Variants in SLC24A4 observed in about 807,000 individuals in gnomAD.
SLC24A4 encodes solute carrier family 24 member 4, also known as sodium/potassium/calcium exchanger 4.
SLC24A4 carries 53 observed loss-of-function variants against 79.0 expected under a neutral mutation model. That is an observed-to-expected ratio of 0.67 (90% CI 0.54 to 0.84). SLC24A4 has a LOEUF of 0.84. Among genes scored for constraint, SLC24A4 ranks in the 40% least tolerant of loss-of-function variants. The pLI is 0.00. For missense variants in SLC24A4, 731 were observed against 822.0 expected (o/e 0.89, Z 1.35); for synonymous variants, 323 against 323.8 (o/e 1.00, Z 0.03).
chr14:92,404,474 C>G (rs1890270207), intron 2 of SLC24A4, among the ~76,000 whole-genome samples: 1 of 152,216 alleles, frequency 6.6e-6, no homozygotes, highest in Non-Finnish European at 1.5e-5. Flanking sequence ...CCATCCATCA[C>G]AGTGCTCCAG....
At chr14:92,379,851 C>T (rs1462637502) in intron 2 of SLC24A4, among the ~76,000 whole-genome samples, 1 of 152,198 alleles carries the variant, frequency 6.6e-6, no homozygotes, top group Non-Finnish European at 1.5e-5. Context: ...ATACTTCCTA[C>T]CACGCCTGGG....
At chr14:92,474,843 G>GTGTGTGTGTGTA (rs779007741) in intron 12 of SLC24A4, among the ~76,000 whole-genome samples, 20 of 23,882 alleles carry the variant, frequency 8.4e-4, no homozygotes, top group Admixed American at 1.8e-3. Context: ...GTGTGTGTGT[G>GTGTGTGTGTGTA]TATATATATA....
At chr14:92,343,964 A>G (rs1267343116) in intron 2 of SLC24A4, among the ~76,000 whole-genome samples, 1 of 152,100 alleles carries the variant, frequency 6.6e-6, no homozygotes, top group Non-Finnish European at 1.5e-5. Context: ...TGGCCTCCCA[A>G]AGTGCTGGTA....
At chr14:92,327,726 G>A (rs1041298708) in intron 2 of SLC24A4, among the ~76,000 whole-genome samples, 5 of 152,166 alleles carry the variant, frequency 3.3e-5, no homozygotes, top group Admixed American at 1.3e-4. Context: ...CCTTTGCCCC[G>A]CTGTGGGCTC....
In SLC24A4 at chr14:92,325,889, G is replaced by A; in HGVS notation, c.152G>A (p.Ser51Asn). Residue 51 changes from serine to asparagine, a missense_variant, in exon 2 of 17, where the codon AGC becomes AAC. Ser to Asn is a conservative substitution (Grantham distance 46). Transcript: ENST00000532405. ...CCAGGGCACAAAACAGCTTCTGCTA[G>A]CAAACGTGTCCTGCCAGACACGTGG... ...GSLGHKTASA[S>N]KRVLPDTWRN... 6.2e-7 allele frequency: 1 copy of A among 1,610,748 alleles called. No individual in the cohort carries two copies. The highest frequency in any genetic ancestry group is 8.5e-7 in the Non-Finnish European group (1 of 1,178,446).
chr14:92,437,121 A>G (rs1192696717), intron 3 of SLC24A4, among the ~76,000 whole-genome samples: 1 of 152,214 alleles, frequency 6.6e-6, no homozygotes. Flanking sequence ...CTTTGAAGAA[A>G]GAAATGGCTT....
chr14:92,323,991 G>A lies in SLC24A4; in HGVS notation c.130+31G>A, dbSNP rs374137604. On this transcript the variant is annotated intron_variant, in intron 1 of 16. Transcript: ENST00000532405. The surrounding 1 kb of genome is among the most constrained non-coding windows in gnomAD (Gnocchi z 4.9). ...TGCTGGTACGGGTCCCCTCTTCCTG[G>A]GGAGTTGGGGGCTTTGGCTGGGGAG... 8.7e-6 allele frequency: 14 copies of A among 1,600,238 alleles called. No homozygotes were observed. The highest frequency in any genetic ancestry group is 1.1e-5 in the Non-Finnish European group (13 of 1,174,546).
chr14:92,428,773 C>G lies in SLC24A4; in HGVS notation c.242-5139C>G, dbSNP rs1891702876. 2.0e-5 allele frequency among the ~76,000 whole-genome samples: 3 copies of G among 152,312 alleles called. No homozygotes were observed. The South Asian group carries it at 6.2e-4, about 32-fold the overall frequency. ...AGACCACCAGCATTCAGTTCAGAGTCCCTTGGGGGGAGGGGACCCCCTAGA... is the reference window on the plus strand; with the variant it reads ...AGACCACCAGCATTCAGTTCAGAGTGCCTTGGGGGGAGGGGACCCCCTAGA... On this transcript the variant is annotated intron_variant, in intron 2 of 16. Transcript: ENST00000532405.
intron 2 of SLC24A4, among the ~76,000 whole-genome samples, chr14:92,354,143 G>A (rs1204658497): frequency 2.0e-5 from 3 of 151,732 alleles, no homozygotes; most frequent in South Asian, 2.1e-4. Flanking sequence ...CCAGGTGATC[G>A]TACACCATAT....
At chr14:92,332,035 T>C (rs1885508089) in intron 2 of SLC24A4, among the ~76,000 whole-genome samples, 2 of 152,160 alleles carry the variant, frequency 1.3e-5, no homozygotes, top group Non-Finnish European at 2.9e-5. Context: ...TCCTAGCACT[T>C]TGAGAGGCTG....
intron 2 of SLC24A4, among the ~76,000 whole-genome samples, chr14:92,365,898 G>C (rs1887809728): frequency 6.6e-6 from 1 of 152,196 alleles, no homozygotes; most frequent in South Asian, 2.1e-4. Flanking sequence ...TGGCCCCAGA[G>C]CCCGCCTTCA....
intron 2 of SLC24A4, among the ~76,000 whole-genome samples, chr14:92,344,236 C>CT (rs1886395671): frequency 6.6e-6 from 1 of 152,190 alleles, no homozygotes; most frequent in Non-Finnish European, 1.5e-5. Flanking sequence ...TTTCCTTTTC[C>CT]CATGAGGATG....
At chr14:92,333,448 G>A (rs900689657) in intron 2 of SLC24A4, among the ~76,000 whole-genome samples, 1 of 152,154 alleles carries the variant, frequency 6.6e-6, no homozygotes, top group African/African-American at 2.4e-5. Context: ...ACCCCTTTTG[G>A]TTTGGGTTTC....
chr14:92,330,303 A>G lies in SLC24A4; in HGVS notation c.241+4325A>G, dbSNP rs1315644693. On this transcript the variant is annotated intron_variant, in intron 2 of 16. Transcript: ENST00000532405. ...AAATTTGAATGTTAACACTTATTTAATAGAGCCATTTTCCTAAAAAACATG... is the reference window on the plus strand; with the variant it reads ...AAATTTGAATGTTAACACTTATTTAGTAGAGCCATTTTCCTAAAAAACATG... 3.3e-5 allele frequency among the ~76,000 whole-genome samples: 5 copies of G among 152,352 alleles called. No homozygotes were observed. In the East Asian group the frequency reaches 7.7e-4, roughly 24 times the overall value.
chr14:92,433,447 C>T (rs1461384182), intron 2 of SLC24A4, among the ~76,000 whole-genome samples: 1 of 152,146 alleles, frequency 6.6e-6, no homozygotes, highest in Non-Finnish European at 1.5e-5. Flanking sequence ...GCTTGCATTT[C>T]TCTTGGGTCT....
chr14:92,431,240 G>A (rs1891853341), intron 2 of SLC24A4, among the ~76,000 whole-genome samples: 1 of 152,206 alleles, frequency 6.6e-6, no homozygotes, highest in Non-Finnish European at 1.5e-5. Flanking sequence ...TGAGTGACTG[G>A]CAGCCTGGCT....
At chr14:92,386,307 C>T (rs1334453718) in intron 2 of SLC24A4, among the ~76,000 whole-genome samples, 1 of 152,038 alleles carries the variant, frequency 6.6e-6, no homozygotes, top group Non-Finnish European at 1.5e-5. Context: ...GAGCAAGTCA[C>T]CCACATTCTC....
chr14:92,396,083 C>T (rs534356275), intron 2 of SLC24A4, among the ~76,000 whole-genome samples: 12 of 152,348 alleles, frequency 7.9e-5, no homozygotes, highest in African/African-American at 2.4e-4. Flanking sequence ...CTAGGCCTCC[C>T]AGAATGCTGG....
At chr14:92,412,383 A>G (rs1890768045) in intron 2 of SLC24A4, among the ~76,000 whole-genome samples, 1 of 152,192 alleles carries the variant, frequency 6.6e-6, no homozygotes, top group South Asian at 2.1e-4. Flanking sequence ...AGTTCCCCCC[A>G]GGAGAACCAG....
Sources: gnomAD v4.1 joint callset for allele counts (sites outside exome capture counted in the v4.1 genomes callset) on GRCh38, gnomAD v4.1.1 for gene constraint, Gnocchi (gnomAD v3.1) non-coding constraint, MANE v1.5 for transcripts, NCBI Gene and HGNC (gene_info 2026-07-23, HGNC 2026-07-21) for gene names.